NDUFAF6: variants seen among roughly 807,000 people sequenced by gnomAD.
NDUFAF6 encodes NADH:ubiquinone oxidoreductase complex assembly factor 6, also known as NADH dehydrogenase (ubiquinone) complex I, assembly factor 6.
In NDUFAF6, 45 loss-of-function variants were observed where a neutral mutation model predicts 40.8. That is an observed-to-expected ratio of 1.10 (90% CI 0.87 to 1.42). The LOEUF is 1.42. Among genes scored for constraint, NDUFAF6 ranks in the 40% most tolerant of loss-of-function variants. The pLI is 0.00. For synonymous variants in NDUFAF6, 185 were observed against 155.9 expected (o/e 1.19, Z -1.39); for missense variants, 435 against 418.5 (o/e 1.04, Z -0.34).
At chr8:94,904,621 A>G (rs2131189064) in intron 1 of NDUFAF6, among the ~76,000 whole-genome samples, 1 of 151,836 alleles carries the variant, frequency 6.6e-6, no homozygotes, top group East Asian at 1.9e-4. Flanking sequence ...TATGTCTTCC[A>G]CGGTATCTTT....
At chr8:94,927,136 T>G (rs1278782048) in intron 1 of NDUFAF6, 2 of 152,678 alleles carry the variant, frequency 1.3e-5, no homozygotes, top group Non-Finnish European at 2.9e-5. Flanking sequence ...GTTTTCCCAC[T>G]AATCTATTTA....
At chr8:95,045,396 A>G (rs1008866928) in intron 4 of NDUFAF6, 149 bp from the exon 5 acceptor site, 33 of 635,510 alleles carry the variant, frequency 5.2e-5, no homozygotes, top group Admixed American at 2.1e-4. Context: ...TAGAACTTCA[A>G]TATTGTAATG....
rs1408645657 is a variant in NDUFAF6 at position 94,930,612 on chromosome 8, T to G, written c.-935-14871T>G. 1.1e-5 allele frequency: 17 copies of G among 1,614,140 alleles called. No individual in the cohort carries two copies. The South Asian group carries it at 1.9e-4, about 18-fold the overall frequency. ...GTTAAGAGGCTGTCTTTCACTGTGT[T>G]CTTTTATCCACTGGGAAGGGCGAAA... On this transcript the variant is annotated intron_variant, in intron 1 of 14. Transcript: ENST00000396113.
chr8:94,900,509 T>C (rs888486025), intron 1 of NDUFAF6, among the ~76,000 whole-genome samples: 4 of 152,038 alleles, frequency 2.6e-5, no homozygotes, highest in African/African-American at 9.7e-5. Flanking sequence ...TTGTGAGACG[T>C]AGACAGCGCA....
chr8:94,956,401 G>A (rs1489308909), upstream of NDUFAF6, among the ~76,000 whole-genome samples: 1 of 152,276 alleles, frequency 6.6e-6, no homozygotes, highest in Admixed American at 6.5e-5. Context: ...AGTAGCAGAA[G>A]GAACAGTGAG....
intron 1 of NDUFAF6, among the ~76,000 whole-genome samples, chr8:94,932,596 G>T (rs1026344373): frequency 6.6e-6 from 1 of 152,176 alleles, no homozygotes; most frequent in Non-Finnish European, 1.5e-5. Flanking sequence ...GAGGTCAGGA[G>T]ATCAAGACCA....
At chr8:94,967,957 A>T (rs13281537) in intron 1 of NDUFAF6, among the ~76,000 whole-genome samples, 95,327 of 149,598 alleles carry the variant, frequency 0.64, 31,589 homozygotes, top group East Asian at 0.79. Flanking sequence ...AAAAAAAAAA[A>T]GTCAGCTGGG....
chr8:94,982,852 T>G lies in NDUFAF6; in HGVS notation c.-84+1879T>G, dbSNP rs563973736. 1.0e-3 allele frequency among the ~76,000 whole-genome samples: 156 copies of G among 152,384 alleles called. 2 individuals carry two copies. The highest frequency in any genetic ancestry group is 3.7e-3 in the African/African-American group (152 of 41,602). On this transcript the variant is annotated intron_variant, in intron 2 of 9. Coordinates refer to the NDUFAF6 transcript ENST00000396111. ...GGAAGAGCCAACTAAGTTGAGACTC[T>G]GTATCTCTCTTTAACTTCCACAGGG... is the stretch of plus-strand genomic sequence containing the variant.
At chr8:95,037,774 G>A (rs7823562) in intron 3 of NDUFAF6, among the ~76,000 whole-genome samples, 4,689 of 152,016 alleles carry the variant, frequency 0.031, 246 homozygotes, top group African/African-American at 0.11. Flanking sequence ...TCACTACTAT[G>A]TTTATTTTTT....
Position 95,005,526 on chromosome 8 carries a change from A to AAT in NDUFAF6, c.-84+24579_-84+24580dup, listed in dbSNP as rs760333438. Reference sequence around the variant, plus strand: ...CCTCAGGGGAGGACTGGTCCTTTTAAATATATATATATATATATATATATA... The same window carrying AAT: ...CCTCAGGGGAGGACTGGTCCTTTTAAATATATATATATATATATATATATATA... On this transcript the variant is annotated intron_variant, in intron 2 of 9. Coordinates refer to the NDUFAF6 transcript ENST00000396111. 7.7e-3 allele frequency among the ~76,000 whole-genome samples: 56 copies of AAT among 7,276 alleles called. 3 individuals carry two copies. Among genetic ancestry groups the AAT allele is most frequent in the African/African-American group, 0.025 (34 of 1,354 alleles). 4.8% of individuals were successfully genotyped at this position (7,276 alleles called of 152,430 possible).
chr8:95,100,477 T>C (rs550667354), exon 1 of NDUFAF6: 5 of 152,322 alleles, frequency 3.3e-5, no homozygotes, highest in Admixed American at 1.3e-4. Context: ...CAAAGTTGCC[T>C]CTGCTTCCTG....
chr8:94,994,768 A>G (rs765042544), intron 2 of NDUFAF6, among the ~76,000 whole-genome samples: 1 of 152,054 alleles, frequency 6.6e-6, no homozygotes, highest in African/African-American at 2.4e-5. Context: ...AGGAAATTGA[A>G]GTTACAGTGA....
Position 95,058,589 on chromosome 8 carries a change from C to G in NDUFAF6, c.*652C>G. ...GGAAGCTTTTACTTTTTTGTTAATC[C>G]CACTTCCTCACTCTGTCATTCAGCA... On this transcript the variant is annotated 3_prime_UTR_variant, in exon 9 of 9. Coordinates refer to ENST00000396124, the MANE Select transcript of NDUFAF6 (RefSeq NM_152416.4). 8.4e-7 allele frequency: 1 copy of G among 1,188,896 alleles called. No homozygotes were observed. The highest frequency in any genetic ancestry group is 1.0e-6 in the Non-Finnish European group (1 of 961,860). The allele number at this position is 1,188,896 out of a possible 1,614,324, so 73.6% of individuals were successfully genotyped here.
intron 1 of NDUFAF6, among the ~76,000 whole-genome samples, chr8:94,976,173 TG>T (rs1824907942): frequency 4.0e-5 from 5 of 123,726 alleles, no homozygotes; most frequent in African/African-American, 3.1e-5. Context: ...CACTCCAGCC[TG>T]GGTGACAGAG....
At position 95,035,587 on chromosome 8, in the gene NDUFAF6, A is replaced by G; in HGVS notation, c.420+11A>G. ...ATTGAACTATGGAAGGTAAAAAAAAAAAAATACCACTTTTAATTTGTATGA... is the reference window on the plus strand; with the variant it reads ...ATTGAACTATGGAAGGTAAAAAAAAGAAAATACCACTTTTAATTTGTATGA... On this transcript the variant is annotated intron_variant, in intron 3 of 8. Transcript: ENST00000396124. The G allele has an allele frequency of 6.2e-7, 1 of 1,611,210 alleles. No homozygotes were observed. The highest frequency in any genetic ancestry group is 8.5e-7 in the Non-Finnish European group (1 of 1,178,572).
chr8:94,949,555 G>A (rs1822377392), intron 2 of NDUFAF6: 2 of 152,118 alleles, frequency 1.3e-5, no homozygotes, highest in South Asian at 4.1e-4. Flanking sequence ...ACAAGCCCGG[G>A]CAACAAAAAC....
At chr8:95,047,580 G>T (rs1442000389) in intron 6 of NDUFAF6, among the ~76,000 whole-genome samples, 1 of 149,368 alleles carries the variant, frequency 6.7e-6, no homozygotes, top group Non-Finnish European at 1.5e-5. Context: ...CGTGATCTCG[G>T]CTCACTGCAA....
intron 2 of NDUFAF6, among the ~76,000 whole-genome samples, chr8:95,086,839 G>A (rs915430524): frequency 6.6e-6 from 1 of 151,964 alleles, no homozygotes; most frequent in Non-Finnish European, 1.5e-5. Context: ...TCCTGACTTC[G>A]TGATCCGCCC....
At chr8:94,969,819 A>G (rs143401755) in intron 1 of NDUFAF6, among the ~76,000 whole-genome samples, 1 of 152,338 alleles carries the variant, frequency 6.6e-6, no homozygotes, top group Non-Finnish European at 1.5e-5. Flanking sequence ...AAAAAAACTC[A>G]TGCAAATTGA....
Sources: allele counts gnomAD v4.1 joint callset (sites outside exome capture counted in the v4.1 genomes callset), GRCh38; gene constraint gnomAD v4.1.1; transcripts MANE v1.5; gene names NCBI Gene and HGNC (gene_info 2026-07-23, HGNC 2026-07-21).